The following ROBO1 variants were observed in gnomAD, a reference collection of about 807,000 sequenced individuals.
ROBO1 encodes roundabout guidance receptor 1, also known as roundabout homolog 1.
In ROBO1, 149 loss-of-function variants were observed where a neutral mutation model predicts 195.9. The ratio of observed to expected loss-of-function variants is 0.76; its 90% CI spans 0.67 to 0.87. The LOEUF is 0.87. Among genes scored for constraint, ROBO1 ranks in the 40% least tolerant of loss-of-function variants. ROBO1 has a pLI of 0.00. For missense variants in ROBO1, 1,933 were observed against 2,068.3 expected (o/e 0.93, Z 1.27); for synonymous variants, 816 against 733.2 (o/e 1.11, Z -1.82).
At chr3:79,641,471 G>A (rs9835416) in intron 1 of ROBO1, among the ~76,000 whole-genome samples, 43,194 of 151,620 alleles carry the variant, frequency 0.28, 7,535 homozygotes, top group African/African-American at 0.49. Flanking sequence ...TGGGTGCAGC[G>A]CACCAGCATG....
chr3:78,809,080 A>G (rs745816500), intron 4 of ROBO1, among the ~76,000 whole-genome samples: 16 of 152,158 alleles, frequency 1.1e-4, no homozygotes, highest in Non-Finnish European at 1.8e-4. Flanking sequence ...ATGGGAGAAA[A>G]TTTTTGCAAT....
At chr3:79,721,467 TAGG>T (rs779078143) in intron 1 of ROBO1, among the ~76,000 whole-genome samples, 10 of 152,108 alleles carry the variant, frequency 6.6e-5, no homozygotes, top group South Asian at 4.1e-4. Context: ...GTTTTACAAA[TAGG>T]AGGAAACTGT....
At chr3:78,892,890 C>T (rs984721951) in intron 4 of ROBO1, among the ~76,000 whole-genome samples, 3 of 152,112 alleles carry the variant, frequency 2.0e-5, no homozygotes, top group East Asian at 3.9e-4. Flanking sequence ...AGATAAATAT[C>T]GCCCATTTCC....
At chr3:79,149,295 T>G (rs2080716566) in intron 2 of ROBO1, among the ~76,000 whole-genome samples, 1 of 151,910 alleles carries the variant, frequency 6.6e-6, no homozygotes, top group Non-Finnish European at 1.5e-5. Flanking sequence ...CAAAGAGCAT[T>G]TTTAAATTTG....
intron 8 of ROBO1, among the ~76,000 whole-genome samples, chr3:78,698,384 T>C (rs1277063692): frequency 6.6e-6 from 1 of 152,176 alleles, no homozygotes; most frequent in African/African-American, 2.4e-5. Context: ...GAGTTTAACT[T>C]AAAAGCCTGT....
At chr3:78,783,702 G>A (rs2083748329) in intron 4 of ROBO1, among the ~76,000 whole-genome samples, 1 of 152,076 alleles carries the variant, frequency 6.6e-6, no homozygotes, top group Non-Finnish European at 1.5e-5. Flanking sequence ...TAGAAGTCAA[G>A]GGTTTCACCT....
intron 2 of ROBO1, among the ~76,000 whole-genome samples, chr3:79,466,011 T>G (rs543718697): frequency 2.0e-5 from 3 of 151,846 alleles, no homozygotes; most frequent in East Asian, 3.9e-4. Flanking sequence ...TGAATTAGTA[T>G]AAGTATTTTC....
At chr3:78,613,795 C>T (rs1268958551) in intron 28 of ROBO1, among the ~76,000 whole-genome samples, 1 of 152,122 alleles carries the variant, frequency 6.6e-6, no homozygotes. Flanking sequence ...ATGATAATGG[C>T]AAATGATGCC....
chr3:79,007,396 A>AGAG (rs1246438342), intron 3 of ROBO1, among the ~76,000 whole-genome samples: 11 of 152,214 alleles, frequency 7.2e-5, no homozygotes, highest in Non-Finnish European at 1.3e-4. Context: ...GGTACCACGG[A>AGAG]GAGGGCAGAA....
chr3:79,530,611 T>TA (rs1341105905), intron 2 of ROBO1, among the ~76,000 whole-genome samples: 7 of 152,164 alleles, frequency 4.6e-5, no homozygotes, highest in Non-Finnish European at 1.0e-4. Flanking sequence ...TATCCATTGT[T>TA]AAAAAACCTA....
intron 2 of ROBO1, among the ~76,000 whole-genome samples, chr3:79,292,965 T>C (rs889156845): frequency 1.3e-5 from 2 of 152,204 alleles, no homozygotes; most frequent in African/African-American, 4.8e-5. Context: ...CAGCTCCTCT[T>C]TGTACCTCTG....
intron 2 of ROBO1, among the ~76,000 whole-genome samples, chr3:79,498,794 C>T (rs889237039): frequency 2.6e-5 from 4 of 151,264 alleles, no homozygotes; most frequent in African/African-American, 9.7e-5. Flanking sequence ...GCAGAGGTTG[C>T]AGTGATTGAG....
At chr3:79,713,082 C>A (rs576739948) in intron 1 of ROBO1, among the ~76,000 whole-genome samples, 1 of 151,780 alleles carries the variant, frequency 6.6e-6, no homozygotes, top group South Asian at 2.1e-4. Flanking sequence ...CCCCACCCCC[C>A]ACTTGAGTAT....
At chr3:79,590,664 G>A (rs1438528795) in intron 1 of ROBO1, among the ~76,000 whole-genome samples, 1 of 151,592 alleles carries the variant, frequency 6.6e-6, no homozygotes, top group African/African-American at 2.4e-5. Flanking sequence ...TGGAAGAAGT[G>A]GCATTTTGAG....
chr3:79,609,222 C>T (rs1400234962), intron 1 of ROBO1, among the ~76,000 whole-genome samples: 2 of 151,468 alleles, frequency 1.3e-5, no homozygotes, highest in East Asian at 3.9e-4. Flanking sequence ...ACCAAAATAT[C>T]ACCATTTTCT....
intron 4 of ROBO1, among the ~76,000 whole-genome samples, chr3:78,809,035 G>C (rs143471450): frequency 1.3e-5 from 2 of 152,002 alleles, no homozygotes; most frequent in African/African-American, 4.8e-5. Context: ...CACAGTAAAA[G>C]AAACTACCAT....
At chr3:79,039,653 G>C (rs1576600001) in intron 3 of ROBO1, among the ~76,000 whole-genome samples, 1 of 151,886 alleles carries the variant, frequency 6.6e-6, no homozygotes, top group African/African-American at 2.4e-5. Flanking sequence ...AAATTAGCTG[G>C]ACATGGTGGC....
At position 79,499,000 on chromosome 3, in the gene ROBO1, A is replaced by G. The variant is rs1000524290; in HGVS notation, c.88+90824T>C. Reference sequence around the variant, plus strand: ...TCTTTAATTTTTTAAATTTTTATTAACTTTTGTGTATGTGATGGAATTTTG... The same window carrying G: ...TCTTTAATTTTTTAAATTTTTATTAGCTTTTGTGTATGTGATGGAATTTTG... On this transcript the variant is annotated intron_variant, in intron 2 of 30. Coordinates refer to ENST00000464233, the MANE Select transcript of ROBO1 (RefSeq NM_002941.4). Among the ~76,000 whole-genome samples the G allele has an allele frequency of 2.6e-5, 4 of 152,210 alleles. 1 individual carries two copies. Among genetic ancestry groups the G allele is most frequent in the Middle Eastern group, 6.8e-3 (2 of 294 alleles).
chr3:78,706,561 C>T lies in ROBO1; in HGVS notation c.1045+7836G>A, dbSNP rs554007140. ...CTCACTGTGTTGCTTAGGCTGGTCT[C>T]GAACTCCTGGGCTCAAGTGATCCTC... On this transcript the variant is annotated intron_variant, in intron 8 of 30. Coordinates refer to ENST00000464233, the MANE Select transcript of ROBO1 (RefSeq NM_002941.4). 8.9e-4 allele frequency among the ~76,000 whole-genome samples: 136 copies of T among 152,078 alleles called. 2 individuals carry two copies. The highest frequency in any genetic ancestry group is 3.0e-3 in the African/African-American group (126 of 41,460).
Sources: gnomAD v4.1 joint callset for allele counts (sites outside exome capture counted in the v4.1 genomes callset) on GRCh38, gnomAD v4.1.1 for gene constraint, MANE v1.5 for transcripts, NCBI Gene and HGNC (gene_info 2026-07-23, HGNC 2026-07-21) for gene names.